The following RASGRF2 variants were observed in gnomAD, a reference collection of about 807,000 sequenced individuals.
The protein encoded by RASGRF2 is ras-specific guanine nucleotide-releasing factor 2.
In RASGRF2, 76 loss-of-function variants were observed where a neutral mutation model predicts 151.0. That is an observed-to-expected ratio of 0.50 (90% confidence interval 0.42 to 0.61). The LOEUF is 0.61. RASGRF2 is among the 20% of genes least tolerant of loss of function. The probability of loss-of-function intolerance (pLI) is 0.00; values close to 1 mark genes in which losing one functional copy is unlikely to be tolerated. For synonymous variants in RASGRF2, 504 were observed against 566.5 expected (o/e 0.89, Z 1.57); for missense variants, 1,148 against 1,564.6 (o/e 0.73, Z 4.49).
chr5:81,198,629 C>T (rs529667311), intron 18 of RASGRF2, among the ~76,000 whole-genome samples: 99 of 152,048 alleles, frequency 6.5e-4, no homozygotes, highest in Non-Finnish European at 1.2e-3. Context: ...TTAGTAGAGA[C>T]GGGGTTTCAC....
chr5:81,125,613 G>T (rs1375677276), intron 16 of RASGRF2, among the ~76,000 whole-genome samples: 1 of 152,074 alleles, frequency 6.6e-6, no homozygotes. Flanking sequence ...GAAGAGTTTG[G>T]GACCAAAATC....
chr5:81,064,991 C>T (rs989422511), intron 2 of RASGRF2, among the ~76,000 whole-genome samples: 1 of 152,108 alleles, frequency 6.6e-6, no homozygotes, highest in Non-Finnish European at 1.5e-5. Context: ...GAAATGTTCT[C>T]CCACTGGCTT....
At chr5:81,053,345 A>G (rs1269340941) in intron 2 of RASGRF2, among the ~76,000 whole-genome samples, 1 of 130,706 alleles carries the variant, frequency 7.7e-6, no homozygotes, top group South Asian at 2.4e-4. Context: ...CTCATTGTTC[A>G]ATTCCCACCT....
intron 2 of RASGRF2, among the ~76,000 whole-genome samples, chr5:81,046,780 T>C (rs886383196): frequency 2.0e-5 from 3 of 152,084 alleles, no homozygotes; most frequent in Admixed American, 6.5e-5. Flanking sequence ...TGATTGTGAG[T>C]CCTTAGGGCT....
chr5:81,019,434 A>G (rs1749756638), intron 1 of RASGRF2: 1 of 152,192 alleles, frequency 6.6e-6, no homozygotes, highest in African/African-American at 2.4e-5. Flanking sequence ...TTATCCATCT[A>G]GCATCTGACT....
intron 17 of RASGRF2, 146 bp downstream of exon 17, chr5:81,127,309 A>G (rs1332326492): frequency 6.1e-6 from 5 of 817,728 alleles, no homozygotes; most frequent in Middle Eastern, 3.5e-4. Flanking sequence ...GGATTGCTTG[A>G]GACCAGTAGT....
chr5:81,151,737 C>T (rs1754140313), intron 17 of RASGRF2, among the ~76,000 whole-genome samples: 2 of 152,160 alleles, frequency 1.3e-5, no homozygotes, highest in South Asian at 4.1e-4. Flanking sequence ...GGTCCAGCTG[C>T]TGGAACTGAC....
At chr5:81,154,476 C>T (rs897316545) in intron 17 of RASGRF2, among the ~76,000 whole-genome samples, 20 of 152,278 alleles carry the variant, frequency 1.3e-4, no homozygotes, top group East Asian at 1.9e-4. Context: ...GCGATCCTCC[C>T]GCTTTGGCCT....
chr5:81,175,146 G>A lies in RASGRF2; in HGVS notation c.2687-5029G>A, dbSNP rs184932766. 4.5e-3 allele frequency among the ~76,000 whole-genome samples: 683 copies of A among 152,218 alleles called. 9 individuals carry two copies. The highest frequency in any genetic ancestry group is 3.0e-3 in the Non-Finnish European group (206 of 68,034). On this transcript the variant is annotated intron_variant, in intron 17 of 26. Transcript: ENST00000265080. ...AGCCTCTTTGGTTTCCTGTTTCTTT[G>A]CTTGCAAATTGGGATAACAATGTTT...
intron 26 of RASGRF2, among the ~76,000 whole-genome samples, chr5:81,221,154 T>C (rs1755848771): frequency 6.6e-6 from 1 of 152,200 alleles, no homozygotes; most frequent in African/African-American, 2.4e-5. Flanking sequence ...CTGGCTAAGG[T>C]AGTGTTTGCT....
intron 1 of RASGRF2, among the ~76,000 whole-genome samples, chr5:81,015,538 T>C (rs1749602994): frequency 6.6e-6 from 1 of 152,164 alleles, no homozygotes; most frequent in African/African-American, 2.4e-5. Context: ...TTTTCTGGTG[T>C]TTTATAATTT....
At position 81,176,592 on chromosome 5, in the gene RASGRF2, C is replaced by T. The variant is rs182112055; in HGVS notation, c.2687-3583C>T. The stretch of plus-strand genomic sequence containing the variant: ...GCCTACTGATCATTGCACATGTGGA[C>T]GGTTTGTGCGTTTTATAATTTTGGA... On this transcript the variant is annotated intron_variant, in intron 17 of 26. Coordinates refer to ENST00000265080, the MANE Select transcript of RASGRF2 (RefSeq NM_006909.3). Among the ~76,000 whole-genome samples the T allele has an allele frequency of 3.5e-3, 526 of 152,082 alleles. 2 individuals carry two copies. The highest frequency in any genetic ancestry group is 0.012 in the African/African-American group (498 of 41,462).
At chr5:81,113,365 T>C in intron 14 of RASGRF2, 173 bp from the exon 15 acceptor site, 2 of 743,078 alleles carry the variant, frequency 2.7e-6, no homozygotes, top group Non-Finnish European at 4.3e-6. Context: ...TAAGTGTCTG[T>C]GCTTCTTTGG....
At chr5:81,175,450 TC>T (rs1754752938) in intron 17 of RASGRF2, among the ~76,000 whole-genome samples, 1 of 152,274 alleles carries the variant, frequency 6.6e-6, no homozygotes, top group African/African-American at 2.4e-5. Flanking sequence ...TGCCTACAGT[TC>T]TTTAGAAAAA....
chr5:81,165,306 G>T (rs1202162814), intron 17 of RASGRF2, among the ~76,000 whole-genome samples: 1 of 152,166 alleles, frequency 6.6e-6, no homozygotes, highest in South Asian at 2.1e-4. Flanking sequence ...GAAGCAGTCT[G>T]TGTTGGTCTA....
At chr5:80,998,446 G>C (rs1222688949) in intron 1 of RASGRF2, among the ~76,000 whole-genome samples, 2 of 152,062 alleles carry the variant, frequency 1.3e-5, no homozygotes, top group African/African-American at 4.8e-5. Context: ...GCCGAAAATA[G>C]GTTTTGTTGC....
chr5:81,067,799 T>C (rs1224560487), intron 2 of RASGRF2, among the ~76,000 whole-genome samples: 1 of 152,224 alleles, frequency 6.6e-6, no homozygotes, highest in African/African-American at 2.4e-5. Context: ...ATTTTTTGGG[T>C]AGCAAGTATC....
intron 22 of RASGRF2, among the ~76,000 whole-genome samples, chr5:81,212,040 G>A (rs183980463): frequency 2.0e-5 from 3 of 152,198 alleles, no homozygotes; most frequent in Middle Eastern, 3.4e-3. Context: ...TTGCCTTTCC[G>A]CAGGCGTTAG....
intron 26 of RASGRF2, among the ~76,000 whole-genome samples, chr5:81,224,327 G>A (rs1755926207): frequency 1.3e-5 from 2 of 152,210 alleles, no homozygotes; most frequent in South Asian, 4.1e-4. Flanking sequence ...TAGGAAAACA[G>A]GTACTGTCAT....
Sources: allele counts gnomAD v4.1 joint callset (sites outside exome capture counted in the v4.1 genomes callset), GRCh38; gene constraint gnomAD v4.1.1; transcripts MANE v1.5; gene names NCBI Gene and HGNC (gene_info 2026-07-23, HGNC 2026-07-21).